Variants in BACH2 observed in about 807,000 individuals in gnomAD.
BACH2 encodes transcription regulator protein BACH2.
BACH2 carries 5 observed loss-of-function variants against 61.8 expected under a neutral mutation model. The ratio of observed to expected loss-of-function variants is 0.08; its 90% confidence interval spans 0.04 to 0.17. The LOEUF is 0.17. BACH2 is among the 10% of genes least tolerant of loss of function. The pLI is 1.00. For synonymous variants in BACH2, 446 were observed against 440.1 expected (o/e 1.01, Z -0.17); for missense variants, 824 against 1,091.1 (o/e 0.76, Z 3.45).
At chr6:90,137,063 A>C (rs899085213) in intron 4 of BACH2, among the ~76,000 whole-genome samples, 1 of 152,148 alleles carries the variant, frequency 6.6e-6, no homozygotes, top group Non-Finnish European at 1.5e-5. Context: ...ACATACATAA[A>C]AAAAAATGTC....
At chr6:90,241,010 T>G (rs1770432880) in intron 3 of BACH2, among the ~76,000 whole-genome samples, 1 of 151,768 alleles carries the variant, frequency 6.6e-6, no homozygotes, top group African/African-American at 2.4e-5. Flanking sequence ...GGCGTGCGCC[T>G]GTAGTCTCCA....
intron 3 of BACH2, among the ~76,000 whole-genome samples, chr6:90,207,129 GT>G (rs1311396707): frequency 4.0e-5 from 6 of 151,470 alleles, no homozygotes; most frequent in Non-Finnish European, 5.9e-5. Context: ...TTTTGTTTTT[GT>G]TTTTTTGGCA....
intron 4 of BACH2, among the ~76,000 whole-genome samples, chr6:90,182,492 C>G (rs1768203590): frequency 6.6e-6 from 1 of 152,186 alleles, no homozygotes; most frequent in African/African-American, 2.4e-5. Flanking sequence ...CTTCTCTTAG[C>G]AGTGCTCACT....
intron 3 of BACH2, among the ~76,000 whole-genome samples, chr6:90,230,816 T>C (rs555394299): frequency 6.6e-6 from 1 of 152,260 alleles, no homozygotes; most frequent in African/African-American, 2.4e-5. Flanking sequence ...AGAGTTGAAA[T>C]GTGTTTTGCT....
rs551591642 is a variant in BACH2 at position 89,993,546 on chromosome 6, G to C, written c.243+15056C>G. 4.6e-5 allele frequency among the ~76,000 whole-genome samples: 7 copies of C among 152,268 alleles called. No individual in the cohort carries two copies. In the East Asian group the frequency reaches 1.2e-3, roughly 25 times the overall value. ...GCGTGAAGTCATTTTAAACATTAGC[G>C]TGAGCCTTACAGGTGCAGATCCATT... On this transcript the variant is annotated intron_variant, in intron 6 of 8. Coordinates refer to ENST00000257749, the MANE Select transcript of BACH2 (RefSeq NM_021813.4).
intron 4 of BACH2, among the ~76,000 whole-genome samples, chr6:90,189,223 A>G (rs1768468244): frequency 6.6e-6 from 1 of 152,248 alleles, no homozygotes; most frequent in African/African-American, 2.4e-5. Context: ...CTAAACATCT[A>G]AGAGACAGTC....
intron 2 of BACH2, among the ~76,000 whole-genome samples, chr6:90,258,895 G>C (rs757031895): frequency 6.6e-6 from 1 of 151,942 alleles, no homozygotes; most frequent in Non-Finnish European, 1.5e-5. Flanking sequence ...AACTGATTTT[G>C]CATGTTGATT....
chr6:90,225,611 T>C (rs976550442), intron 3 of BACH2, among the ~76,000 whole-genome samples: 4 of 151,706 alleles, frequency 2.6e-5, no homozygotes, highest in Non-Finnish European at 5.9e-5. Context: ...CTGGAGCCTG[T>C]TAGAGGGGGG....
intron 4 of BACH2, among the ~76,000 whole-genome samples, chr6:90,115,738 A>G (rs1159235578): frequency 2.0e-5 from 3 of 152,216 alleles, no homozygotes; most frequent in Non-Finnish European, 4.4e-5. Context: ...CAGATAACTT[A>G]CAGAATGGAA....
intron 6 of BACH2, among the ~76,000 whole-genome samples, chr6:90,005,551 T>C (rs971936919): frequency 2.0e-5 from 3 of 152,180 alleles, no homozygotes; most frequent in Admixed American, 1.3e-4. Flanking sequence ...GAGCTAAGTG[T>C]GACAATTACC....
Position 89,951,195 on chromosome 6 carries a change from G to A in BACH2, c.911C>T (p.Ala304Val), listed in dbSNP as rs747189218. 3.7e-6 allele frequency: 6 copies of A among 1,613,656 alleles called. No homozygotes were observed. In the East Asian group the frequency reaches 6.7e-5, roughly 18 times the overall value. Residue 304 changes from alanine (A) to valine (V), a missense_variant, in exon 7 of 9, where the codon GCG becomes GTG. Physicochemically the swap from Ala to Val is moderately conservative, Grantham distance 64 (BLOSUM62 0). This residue lies in a region of BACH2 where 226 missense variants were observed against 228.5 expected (regional missense o/e 0.99). Coordinates refer to ENST00000257749, the MANE Select transcript of BACH2 (RefSeq NM_021813.4). This position sits in a 1 kb window ranked among gnomAD's most constrained non-coding sequence, Gnocchi z 6.4. ...TTTCCGGTCCATCTCGACATCCCCCGCTCTGTCCTTGGCGTCAGGCTCATC... is the reference window on the plus strand; with the variant it reads ...TTTCCGGTCCATCTCGACATCCCCCACTCTGTCCTTGGCGTCAGGCTCATC... Reference protein sequence around the residue: ...SGDEPDAKDRAGDVEMDRKQP... With the variant: ...SGDEPDAKDRVGDVEMDRKQP...
chr6:90,293,380 T>C (rs905730279), intron 1 of BACH2, among the ~76,000 whole-genome samples: 3 of 148,556 alleles, frequency 2.0e-5, no homozygotes, highest in Non-Finnish European at 4.4e-5. Flanking sequence ...TTGTTAAGAC[T>C]GGATCCACAC....
intron 6 of BACH2, among the ~76,000 whole-genome samples, chr6:89,955,310 G>C (rs1774364676): frequency 1.3e-5 from 2 of 152,184 alleles, no homozygotes; most frequent in Admixed American, 1.3e-4. Flanking sequence ...TTGTAGAAGA[G>C]GTACAAATGA....
intron 5 of BACH2, among the ~76,000 whole-genome samples, chr6:90,057,877 G>A (rs1241581863): frequency 2.0e-5 from 3 of 151,576 alleles, no homozygotes; most frequent in Non-Finnish European, 4.4e-5. Flanking sequence ...CAAAAATCAC[G>A]ATTATCTCAA....
intron 6 of BACH2, among the ~76,000 whole-genome samples, chr6:89,993,705 C>T (rs1235903316): frequency 6.6e-6 from 1 of 152,110 alleles, no homozygotes; most frequent in Non-Finnish European, 1.5e-5. Flanking sequence ...AAATGGTTCC[C>T]AGACTCCAAT....
intron 1 of BACH2, among the ~76,000 whole-genome samples, chr6:90,282,847 G>C (rs1282958946): frequency 6.6e-6 from 1 of 152,010 alleles, no homozygotes; most frequent in Non-Finnish European, 1.5e-5. Flanking sequence ...AAGCACATAG[G>C]TAATCATTTT....
intron 5 of BACH2, among the ~76,000 whole-genome samples, chr6:90,033,215 AG>A (rs2127788687): frequency 6.6e-6 from 1 of 151,436 alleles, no homozygotes; most frequent in South Asian, 2.1e-4. Context: ...TTTGGGGAGG[AG>A]GGAGGGGGGA....
chr6:90,085,554 G>A (rs1017473031), intron 5 of BACH2, among the ~76,000 whole-genome samples: 3 of 152,190 alleles, frequency 2.0e-5, no homozygotes, highest in African/African-American at 7.2e-5. Flanking sequence ...GACCACAGTT[G>A]TTTAAGGCAA....
At chr6:90,043,173 T>C (rs1779618388) in intron 5 of BACH2, among the ~76,000 whole-genome samples, 1 of 152,220 alleles carries the variant, frequency 6.6e-6, no homozygotes, top group Admixed American at 6.5e-5. Context: ...TGTTGCTTCC[T>C]GGTAGTTCAT....
Sources: gnomAD v4.1 joint callset for allele counts (sites outside exome capture counted in the v4.1 genomes callset) on GRCh38, gnomAD v4.1.1 for gene constraint, gnomAD v4.1.1 regional missense constraint, Gnocchi (gnomAD v3.1) non-coding constraint, MANE v1.5 for transcripts, NCBI Gene and HGNC (gene_info 2026-07-23, HGNC 2026-07-21) for gene names.